SLC39A14: variants seen among roughly 807,000 people sequenced by gnomAD.
SLC39A14 encodes the protein solute carrier family 39 member 14.
In SLC39A14, 19 loss-of-function variants were observed where a neutral mutation model predicts 45.5. That is an observed-to-expected ratio of 0.42 (90% CI 0.29 to 0.61). The LOEUF (loss-of-function observed/expected upper bound fraction) is 0.61, where lower values mean the gene tolerates loss of function less well. SLC39A14 is among the 20% of genes least tolerant of loss of function. SLC39A14 has a pLI of 0.22. For synonymous variants in SLC39A14, 264 were observed against 251.3 expected (o/e 1.05, Z -0.48); for missense variants, 447 against 616.5 (o/e 0.73, Z 2.91).
chr8:22,415,813 C>G lies in SLC39A14; in HGVS notation c.795C>G (p.Ser265=). The G allele has an allele frequency of 6.2e-7, 1 of 1,613,414 alleles. No homozygotes were observed. The highest frequency in any genetic ancestry group is 8.5e-7 in the Non-Finnish European group (1 of 1,179,842). ...HSHYASESLP[S]KKDQEEGVME... is the part of the protein sequence containing the mutation. ...ATTATGCCTCTGAGTCGCTTCCCTC[C>G]AAGAAGGACCAGGAGGAGGGGGTGA... The change falls in exon 6 of 9, where the codon TCC becomes TCG. Residue 265 remains serine (S), a synonymous_variant. Coordinates refer to ENST00000381237, the MANE Select transcript of SLC39A14 (RefSeq NM_001128431.4).
chr8:22,378,607 G>C (rs1044956604), intron 1 of SLC39A14, among the ~76,000 whole-genome samples: 1 of 152,170 alleles, frequency 6.6e-6, no homozygotes, highest in Admixed American at 6.5e-5. Context: ...TCCTGCTCAT[G>C]CTTCAGCTCT....
intron 1 of SLC39A14, among the ~76,000 whole-genome samples, chr8:22,403,575 G>A (rs1363427055): frequency 6.6e-6 from 1 of 151,452 alleles, no homozygotes; most frequent in Admixed American, 6.6e-5. Context: ...CACAGTGCCC[G>A]GCCGATGTTT....
intron 8 of SLC39A14, among the ~76,000 whole-genome samples, chr8:22,429,053 G>GC (rs1836429930): frequency 6.6e-6 from 1 of 151,894 alleles, no homozygotes; most frequent in Non-Finnish European, 1.5e-5. Flanking sequence ...CGGGTGGATC[G>GC]CAAGGTCAGG....
intron 1 of SLC39A14, among the ~76,000 whole-genome samples, chr8:22,378,095 C>T (rs1224380577): frequency 6.6e-6 from 1 of 152,162 alleles, no homozygotes; most frequent in African/African-American, 2.4e-5. Context: ...ATTTCCATAC[C>T]ACCTGCTCTT....
At chr8:22,429,746 C>G (rs1836439682) in intron 8 of SLC39A14, among the ~76,000 whole-genome samples, 1 of 152,186 alleles carries the variant, frequency 6.6e-6, no homozygotes, top group Admixed American at 6.5e-5. Context: ...TTGTTGAGCT[C>G]CAACTCTGCC....
intron 3 of SLC39A14, among the ~76,000 whole-genome samples, chr8:22,410,335 T>C (rs1835497344): frequency 6.6e-6 from 1 of 152,162 alleles, no homozygotes; most frequent in African/African-American, 2.4e-5. Flanking sequence ...GCAAGGTTCT[T>C]CCAATTTCCC....
chr8:22,413,248 TAC>T (rs1352113548), intron 4 of SLC39A14, among the ~76,000 whole-genome samples: 1 of 152,196 alleles, frequency 6.6e-6, no homozygotes. Flanking sequence ...ATGCGCCTCT[TAC>T]AACACTTGGT....
At chr8:22,375,591 T>A (rs1217259195) in intron 1 of SLC39A14, among the ~76,000 whole-genome samples, 6 of 152,044 alleles carry the variant, frequency 3.9e-5, no homozygotes, top group Non-Finnish European at 8.8e-5. Context: ...GTTCAAGCAA[T>A]TCTCCTGCCT....
chr8:22,381,035 G>A (rs1045581764), intron 1 of SLC39A14, among the ~76,000 whole-genome samples: 6 of 150,950 alleles, frequency 4.0e-5, no homozygotes, highest in Non-Finnish European at 7.4e-5. Flanking sequence ...GTGCAGTGGC[G>A]CAATCTTGGC....
intron 1 of SLC39A14, among the ~76,000 whole-genome samples, chr8:22,369,961 G>T (rs1209290107): frequency 6.6e-6 from 1 of 152,170 alleles, no homozygotes; most frequent in Non-Finnish European, 1.5e-5. Flanking sequence ...TGGGAAGGCC[G>T]CTTTTCTGTG....
intron 5 of SLC39A14, chr8:22,415,561 G>T: frequency 1.9e-6 from 1 of 515,630 alleles, no homozygotes; most frequent in East Asian, 3.6e-5. Flanking sequence ...CTCCCACAGT[G>T]CTGGGATTAC....
chr8:22,419,495 T>C (rs757445098), intron 8 of SLC39A14, 57 bp from the exon 9 acceptor site: 23 of 1,536,658 alleles, frequency 1.5e-5, no homozygotes, highest in Non-Finnish European at 2.0e-5. Flanking sequence ...TGAATTGCCC[T>C]GGACTTACAA....
chr8:22,375,977 T>C (rs1163344360), intron 1 of SLC39A14, among the ~76,000 whole-genome samples: 2 of 152,196 alleles, frequency 1.3e-5, no homozygotes, highest in East Asian at 3.8e-4. Context: ...ACTGCAGGCC[T>C]TATTTAAACG....
Position 22,412,143 on chromosome 8 carries a change from C to G in SLC39A14, c.564C>G (p.Leu188=), listed in dbSNP as rs1835608834. Residue 188 remains leucine (L), a synonymous_variant, in exon 4 of 9, where the codon CTC becomes CTG. Coordinates refer to ENST00000381237, the MANE Select transcript of SLC39A14 (RefSeq NM_001128431.4). ...AGACCTTTTACAAGAGGCTGCTGCT[C>G]TACTTCATAGCTCTGGCGATTGGAA... is the stretch of plus-strand genomic sequence containing the variant. ...MKKTFYKRLL[L]YFIALAIGTL... is the part of the protein sequence containing the mutation. 6.4e-7 allele frequency: 1 copy of G among 1,551,634 alleles called. No homozygotes were observed. Among genetic ancestry groups the G allele is most frequent in the Non-Finnish European group, 8.7e-7 (1 of 1,147,016 alleles).
chr8:22,407,028 G>A (rs1835263097), intron 2 of SLC39A14, among the ~76,000 whole-genome samples: 1 of 152,236 alleles, frequency 6.6e-6, no homozygotes, highest in Non-Finnish European at 1.5e-5. Context: ...GGAACGGTTC[G>A]TGAGAAGCGC....
At chr8:22,394,010 GT>G (rs35225179) in intron 1 of SLC39A14, among the ~76,000 whole-genome samples, 36,869 of 137,928 alleles carry the variant, frequency 0.27, 4,597 homozygotes, top group East Asian at 0.47. Context: ...CTGAAGGGGT[GT>G]TTTTTTTTTT....
chr8:22,411,848 A>C, intron 3 of SLC39A14, 189 bp from the exon 4 acceptor site: 41 of 536,810 alleles, frequency 7.6e-5, no homozygotes, highest in Non-Finnish European at 9.3e-5. Flanking sequence ...CAAATTTTCT[A>C]TTTCTCTCTC....
intron 1 of SLC39A14, among the ~76,000 whole-genome samples, chr8:22,382,097 A>T (rs796982439): frequency 4.6e-5 from 7 of 152,180 alleles, no homozygotes; most frequent in African/African-American, 1.7e-4. Context: ...AGCCAAGATC[A>T]TGCTACTGCA....
At chr8:22,401,181 A>G (rs1383248379) in intron 1 of SLC39A14, among the ~76,000 whole-genome samples, 2 of 152,232 alleles carry the variant, frequency 1.3e-5, no homozygotes, top group Non-Finnish European at 2.9e-5. Context: ...TGTTGACTCC[A>G]GTTAAATAAT....
Sources: gnomAD v4.1 joint callset for allele counts (sites outside exome capture counted in the v4.1 genomes callset) on GRCh38, gnomAD v4.1.1 for gene constraint, MANE v1.5 for transcripts, NCBI Gene and HGNC (gene_info 2026-07-23, HGNC 2026-07-21) for gene names.